Variants in HID1 observed in about 807,000 individuals in gnomAD.
HID1 encodes protein HID1.
A neutral mutation model predicts 89.7 loss-of-function variants in HID1; 42 were observed. That is an observed-to-expected ratio of 0.47 (90% CI 0.37 to 0.61). HID1 has a LOEUF of 0.61. HID1 is among the 20% of genes least tolerant of loss of function. HID1 has a pLI of 0.00. For missense variants in HID1, 854 were observed against 1,039.3 expected (o/e 0.82, Z 2.45); for synonymous variants, 442 against 433.8 (o/e 1.02, Z -0.24).
intron 1 of HID1, among the ~76,000 whole-genome samples, chr17:74,967,405 G>A (rs556156094): frequency 6.6e-6 from 1 of 151,886 alleles, no homozygotes; most frequent in Admixed American, 6.6e-5. Flanking sequence ...AGGCATGGTG[G>A]CACATGCCTG....
intron 1 of HID1, 31 bp from the exon 2 acceptor site, chr17:74,964,663 C>A (rs114563690): frequency 1.9e-6 from 3 of 1,598,982 alleles, no homozygotes; most frequent in Non-Finnish European, 1.7e-6. Flanking sequence ...CAGAGTTACA[C>A]AACTCCTGGC....
Position 74,972,730 on chromosome 17 carries a change from TC to T in HID1, c.-75del, listed in dbSNP as rs1249486173. 35 of 1,377,584 alleles carry T rather than the reference TC, an allele frequency of 2.5e-5. No homozygotes were observed. The highest frequency in any genetic ancestry group is 3.3e-5 in the Non-Finnish European group (34 of 1,031,774). 85.3% of individuals were successfully genotyped at this position (1,377,584 alleles called of 1,614,324 possible). A position where few individuals can be genotyped will look rare whatever the true frequency, so the allele number is the denominator to read the frequency against. ...CTCCGGCTTCAGCTCCGGCTCCAGC[TC>T]CGCGGCCCCCGCGGCTCTCGCAGGA... On this transcript the variant is annotated 5_prime_UTR_variant, in exon 1 of 19. Coordinates refer to ENST00000425042, the MANE Select transcript of HID1 (RefSeq NM_030630.3). This position sits in a 1 kb window ranked among gnomAD's most constrained non-coding sequence, Gnocchi z 6.4.
Position 74,958,218 on chromosome 17 carries a change from A to G in HID1, c.1394T>C (p.Val465Ala). The G allele has an allele frequency of 6.2e-7, 1 of 1,610,276 alleles. No individual in the cohort carries two copies. The highest frequency in any genetic ancestry group is 1.1e-5 in the South Asian group (1 of 90,350). The change falls in exon 12 of 19, where the codon GTG (valine) becomes GCG (alanine). Residue 465 changes from valine to alanine, a missense_variant and splice_region_variant. Transcript: ENST00000425042. The surrounding 1 kb of genome is among the most constrained non-coding windows in gnomAD (Gnocchi z 5.2). ...TGTHADLLIV[V>A]FHKIITSGHQ... ...CCCGCTGGTGATGATCTTGTGGAAC[A>G]CCTGTGCCAGGAGGGACAGAGGCAC... is the stretch of plus-strand genomic sequence containing the variant.
chr17:74,961,998 A>G lies in HID1; in HGVS notation c.612-9T>C. The G allele has an allele frequency of 6.5e-7, 1 of 1,546,770 alleles. No homozygotes were observed. The highest frequency in any genetic ancestry group is 8.7e-7 in the Non-Finnish European group (1 of 1,144,126). ...GTTTCAGCAGCTCCATCCTTGTAGG[A>G]GGAAGGGGGAGGGCACCTTAGGATC... On this transcript the variant is annotated splice_polypyrimidine_tract_variant and intron_variant, in intron 5 of 18. Transcript: ENST00000425042.
chr17:74,963,611 A>G, intron 3 of HID1, 129 bp downstream of exon 3: 1 of 882,630 alleles, frequency 1.1e-6, no homozygotes, highest in Non-Finnish European at 1.7e-6. Context: ...CCTCAGCAGC[A>G]CCCACTGGCC....
Position 74,952,240 on chromosome 17 carries a change from AC to A in HID1, c.2144+28del, listed in dbSNP as rs775982859. ...GCCCACAACCCCGGCCCCGCCCACA[AC>A]CCCCGGCCCTGCCGGCGCCCGACTC... On this transcript the variant is annotated intron_variant, in intron 17 of 18. Transcript: ENST00000425042. The A allele has an allele frequency of 4.4e-4, 703 of 1,592,638 alleles. 5 individuals are homozygous for A. The East Asian group carries it at 0.011, about 24-fold the overall frequency.
rs939047956 is a variant in HID1, at chr17:74,959,483, C to T, written c.1008+398G>A. On this transcript the variant is annotated intron_variant, in intron 8 of 18. Coordinates refer to ENST00000425042, the MANE Select transcript of HID1 (RefSeq NM_030630.3). The surrounding 1 kb of genome is among the most constrained non-coding windows in gnomAD (Gnocchi z 4.6). ...TGTTCTGTCATTTACTGAGGCCTGCCACTAGCTGGGGTGAGAAGGCAGCTA... is the reference window on the plus strand; with the variant it reads ...TGTTCTGTCATTTACTGAGGCCTGCTACTAGCTGGGGTGAGAAGGCAGCTA... Among the ~76,000 whole-genome samples the T allele has an allele frequency of 8.5e-5, 13 of 152,166 alleles. No homozygotes were observed. Among genetic ancestry groups the T allele is most frequent in the Non-Finnish European group, 1.3e-4 (9 of 68,024 alleles).
In HID1 at chr17:74,962,861, C is replaced by T. The variant is rs969281296; in HGVS notation, c.504+104G>A. On this transcript the variant is annotated intron_variant, in intron 4 of 18. Transcript: ENST00000425042. This position sits in a 1 kb window ranked among gnomAD's most constrained non-coding sequence, Gnocchi z 4.3. ...AGGCAGCTCAGCTCTCCTGGAGCCC[C>T]CCGGCCCCCAGTGCAATCCGCCCAA... The T allele has an allele frequency of 2.5e-6, 2 of 808,612 alleles. No homozygotes were observed. Among genetic ancestry groups the T allele is most frequent in the Non-Finnish European group, 4.0e-6 (2 of 494,748 alleles). The allele number at this position is 808,612 out of a possible 1,614,324, so 50.1% of individuals were successfully genotyped here.
intron 1 of HID1, among the ~76,000 whole-genome samples, chr17:74,968,754 G>T (rs144008265): frequency 6.6e-6 from 1 of 152,138 alleles, no homozygotes; most frequent in Non-Finnish European, 1.5e-5. Flanking sequence ...CTGGGAAGCC[G>T]CCATCCCTGA....
intron 1 of HID1, among the ~76,000 whole-genome samples, chr17:74,965,059 G>A (rs1298425804): frequency 1.3e-5 from 2 of 152,202 alleles, no homozygotes; most frequent in African/African-American, 4.8e-5. Flanking sequence ...CTTGTACTCC[G>A]TTTCCAGTCA....
rs61436029 is a variant in HID1, at chr17:74,969,922, C to CTTTTTTTTT, written c.66+2660_66+2668dup. Among the ~76,000 whole-genome samples the CTTTTTTTTT allele has an allele frequency of 2.0e-4, 22 of 112,138 alleles. 1 individual carries two copies. Among genetic ancestry groups the CTTTTTTTTT allele is most frequent in the South Asian group, 5.7e-4 (2 of 3,500 alleles). The allele number at this position is 112,138 out of a possible 152,430, so 73.6% of individuals were successfully genotyped here. ...GGCCAAAATCAGATTTTTCTTTTTTCTTTTTTTTTTTTTTTTTTGAGGCAG... is the reference window on the plus strand; with the variant it reads ...GGCCAAAATCAGATTTTTCTTTTTTCTTTTTTTTTTTTTTTTTTTTTTTTTTTGAGGCAG... On this transcript the variant is annotated intron_variant, in intron 1 of 18. Transcript: ENST00000425042.
At chr17:74,956,817 C>T (rs561282132) in intron 12 of HID1, among the ~76,000 whole-genome samples, 119 of 152,352 alleles carry the variant, frequency 7.8e-4, no homozygotes, top group Non-Finnish European at 1.3e-3. Flanking sequence ...GAGCCTGGCT[C>T]CTTCTGCTTC....
chr17:74,969,746 C>T (rs1304434032), intron 1 of HID1, among the ~76,000 whole-genome samples: 4 of 151,610 alleles, frequency 2.6e-5, no homozygotes, highest in African/African-American at 7.3e-5. Flanking sequence ...GGACTACAGG[C>T]GCACCCCACC....
At chr17:74,967,412 C>T (rs941142851) in intron 1 of HID1, among the ~76,000 whole-genome samples, 1 of 151,370 alleles carries the variant, frequency 6.6e-6, no homozygotes, top group East Asian at 2.0e-4. Context: ...GTGGCACATG[C>T]CTGTAATCCC....
intron 6 of HID1, 98 bp downstream of exon 6, chr17:74,961,774 AC>A (rs1488688405): frequency 1.6e-6 from 1 of 607,566 alleles, no homozygotes; most frequent in Non-Finnish European, 2.7e-6. Flanking sequence ...AGGGGGCAGC[AC>A]CTCCCCTCAA....
At position 74,962,071 on chromosome 17, in the gene HID1, C is replaced by T. The variant is rs1598627665; in HGVS notation, c.612-82G>A. ...GCCCACCCAGCCCAGCGCCCCAGCC[C>T]AGGTCCATGGAAGGAAGTTACTCCC... On this transcript the variant is annotated intron_variant, in intron 5 of 18. Coordinates refer to ENST00000425042, the MANE Select transcript of HID1 (RefSeq NM_030630.3). The surrounding 1 kb of genome is among the most constrained non-coding windows in gnomAD (Gnocchi z 4.3). The T allele has an allele frequency of 1.1e-5, 13 of 1,218,898 alleles. No individual in the cohort carries two copies. The highest frequency in any genetic ancestry group is 1.5e-5 in the South Asian group (1 of 64,580). The allele number at this position is 1,218,898 out of a possible 1,614,324, so 75.5% of individuals were successfully genotyped here. A position where few individuals can be genotyped will look rare whatever the true frequency, so the allele number is the denominator to read the frequency against.
At chr17:74,953,414 G>A in intron 15 of HID1, 131 bp downstream of exon 15, 2 of 701,056 alleles carry the variant, frequency 2.9e-6, no homozygotes, top group Non-Finnish European at 4.9e-6. Context: ...TGACCCTAAT[G>A]CCCTGGGCAC....
intron 6 of HID1, 194 bp downstream of exon 6, chr17:74,961,679 C>T (rs549982489): frequency 4.7e-5 from 17 of 361,314 alleles, no homozygotes; most frequent in South Asian, 4.3e-4. Flanking sequence ...TACTGAGGGG[C>T]CCCCAGATTC....
chr17:74,963,920 C>A lies in HID1; in HGVS notation c.217-10G>T. 1 of 1,613,394 alleles carries A rather than the reference C, an allele frequency of 6.2e-7. No individual in the cohort carries two copies. The highest frequency in any genetic ancestry group is 8.5e-7 in the Non-Finnish European group (1 of 1,179,742). On this transcript the variant is annotated splice_polypyrimidine_tract_variant and intron_variant, in intron 2 of 18. Coordinates refer to ENST00000425042, the MANE Select transcript of HID1 (RefSeq NM_030630.3). ...CCAGCTTCTCAACGGCCTGTGGGGG[C>A]AGGCAGGAGCAGAGGGCAGGCTGGA...
Sources: allele counts gnomAD v4.1 joint callset (sites outside exome capture counted in the v4.1 genomes callset), GRCh38; gene constraint gnomAD v4.1.1; non-coding constraint Gnocchi (gnomAD v3.1); transcripts MANE v1.5; gene names NCBI Gene and HGNC (gene_info 2026-07-23, HGNC 2026-07-21).